Variants in TMPRSS6 observed in about 807,000 individuals in gnomAD.
TMPRSS6 encodes transmembrane serine protease 6.
A neutral mutation model predicts 101.5 loss-of-function variants in TMPRSS6; 67 were observed. The ratio of observed to expected loss-of-function variants is 0.66; its 90% CI spans 0.54 to 0.81. The LOEUF (loss-of-function observed/expected upper bound fraction) is 0.81. TMPRSS6 is among the 30% of genes least tolerant of loss of function. The pLI is 0.00. For synonymous variants in TMPRSS6, 453 were observed against 464.9 expected, an observed-to-expected ratio of 0.97 and a Z score of 0.33; for missense variants, 1,034 against 1,088.7, an observed-to-expected ratio of 0.95 and a Z score of 0.71.
At chr22:37,081,816 T>C (rs529372653) in intron 10 of TMPRSS6, among the ~76,000 whole-genome samples, 1 of 152,314 alleles carries the variant, frequency 6.6e-6, no homozygotes, top group African/African-American at 2.4e-5. Context: ...ACCTGTACCA[T>C]AGGTTGGGTG....
In TMPRSS6 at chr22:37,089,569, G is replaced by T; in HGVS notation, c.836+9C>A. The T allele has an allele frequency of 9.6e-7, 1 of 1,039,274 alleles. No individual in the cohort carries two copies. The highest frequency in any genetic ancestry group is 1.4e-6 in the Non-Finnish European group (1 of 720,876). 64.4% of individuals were successfully genotyped at this position (1,039,274 alleles called of 1,614,324 possible). Reference sequence around the variant, plus strand: ...GCCCTCCCTCCTGCCCTCCTTCCCAGGGACTCACGAGGTGATGAGCCTCTT... The same window carrying T: ...GCCCTCCCTCCTGCCCTCCTTCCCATGGACTCACGAGGTGATGAGCCTCTT... On this transcript the variant is annotated intron_variant, in intron 7 of 17. Coordinates refer to ENST00000676104, the MANE Select transcript of TMPRSS6 (RefSeq NM_001374504.1).
At chr22:37,073,496 G>T in intron 13 of TMPRSS6, 36 bp downstream of exon 13, 1 of 1,453,576 alleles carries the variant, frequency 6.9e-7, no homozygotes. Flanking sequence ...GACTGCCTTT[G>T]GTGTCCCTCC....
In TMPRSS6 at chr22:37,070,866, C is replaced by T. The variant is rs1260926229; in HGVS notation, c.1672+50G>A. ...TTTCCCTCCAGCTTCCTGCTGTGGG[C>T]ACCCCCTCCCTCCCAAGCTCCAGGG... On this transcript the variant is annotated intron_variant, in intron 14 of 17. Coordinates refer to ENST00000676104, the MANE Select transcript of TMPRSS6 (RefSeq NM_001374504.1). 8 of 1,560,926 alleles carry T rather than the reference C, an allele frequency of 5.1e-6. No homozygotes were observed. The African/African-American group carries it at 9.5e-5, about 18-fold the overall frequency.
chr22:37,070,368 T>TG (rs1926768618), intron 15 of TMPRSS6, 116 bp downstream of exon 15: 2 of 1,364,040 alleles, frequency 1.5e-6, no homozygotes, highest in Admixed American at 3.4e-5. Flanking sequence ...GTAGCCTGTC[T>TG]GGGGGGTCCA....
Position 37,089,694 on chromosome 22 carries a change from C to T in TMPRSS6, c.720G>A (p.Leu240=). Residue 240 remains leucine, a synonymous_variant, in exon 7 of 18, where the codon CTG becomes CTA. Transcript: ENST00000676104. The part of the protein sequence containing the change: ...DHLASSCLWH[L]QGPKDLMLKL... ...TGAGCATGAGGTCCTTGGGGCCCTG[C>T]AGGTGCCACAGGCAGCTGGAGGCCA... 6.2e-7 allele frequency: 1 copy of T among 1,611,984 alleles called. No homozygotes were observed. Among genetic ancestry groups the T allele is most frequent in the African/African-American group, 1.3e-5 (1 of 75,042 alleles).
chr22:37,105,381 A>G (rs547205754), intron 1 of TMPRSS6, among the ~76,000 whole-genome samples: 5 of 152,354 alleles, frequency 3.3e-5, no homozygotes, highest in Admixed American at 6.5e-5. Flanking sequence ...CGGGTGGGAC[A>G]GCCCCGCCCA....
rs1926325796 is a variant in TMPRSS6, at chr22:37,066,780, G to A, written c.2250+46C>T. ...GGGCCAGACCCTGGTGATGTGGGCAGCATCCTTTCTCCCTCCTCTCTCCCT... is the reference window on the plus strand; with the variant it reads ...GGGCCAGACCCTGGTGATGTGGGCAACATCCTTTCTCCCTCCTCTCTCCCT... On this transcript the variant is annotated intron_variant, in intron 17 of 17. Transcript: ENST00000676104. The A allele has an allele frequency of 1.9e-6, 3 of 1,613,170 alleles. No homozygotes were observed. In the East Asian group the frequency reaches 6.7e-5, roughly 36 times the overall value.
chr22:37,078,958 A>AAAGAAG (rs1307250237), intron 10 of TMPRSS6, among the ~76,000 whole-genome samples: 3 of 100,428 alleles, frequency 3.0e-5, no homozygotes, highest in African/African-American at 1.1e-4. Context: ...GGAGAAAAAG[A>AAAGAAG]GAAAGAAAGA....
chr22:37,094,374 TGATTGATGATAGATA>T (rs1224788413), intron 6 of TMPRSS6, among the ~76,000 whole-genome samples: 4 of 144,982 alleles, frequency 2.8e-5, no homozygotes, highest in Non-Finnish European at 6.1e-5. Context: ...TTTCCATTAA[TGATTGATGATAGATA>T]GATAGATAGA....
intron 10 of TMPRSS6, among the ~76,000 whole-genome samples, chr22:37,076,043 GGA>G: frequency 6.7e-6 from 1 of 149,902 alleles, no homozygotes; most frequent in South Asian, 2.1e-4. Context: ...AGAAAGAAAG[GGA>G]GAGAGGGAGG....
intron 16 of TMPRSS6, among the ~76,000 whole-genome samples, chr22:37,067,170 G>A (rs915117149): frequency 7.2e-5 from 11 of 152,106 alleles, no homozygotes; most frequent in African/African-American, 2.2e-4. Flanking sequence ...GACAGCCCCC[G>A]ACCAAAGCCC....
At chr22:37,081,708 C>T (rs564331268) in intron 10 of TMPRSS6, among the ~76,000 whole-genome samples, 4 of 152,158 alleles carry the variant, frequency 2.6e-5, no homozygotes, top group Admixed American at 6.5e-5. Context: ...ACCCAGCCAC[C>T]GCTTGGCTAC....
intron 7 of TMPRSS6, among the ~76,000 whole-genome samples, chr22:37,087,930 C>T (rs1928915694): frequency 6.6e-6 from 1 of 150,998 alleles, no homozygotes; most frequent in Admixed American, 6.6e-5. Flanking sequence ...TTCCCATCAC[C>T]ACCAAAGTCC....
In TMPRSS6 at chr22:37,096,244, C is replaced by G. The variant is rs925194744; in HGVS notation, c.405-154G>C. ...CCTAGCGACCTCTGAAGGAGGCGCT[C>G]TCATAATCCTTATTTTACGAATGAG... On this transcript the variant is annotated intron_variant, in intron 4 of 17. Transcript: ENST00000676104. Among the ~76,000 whole-genome samples the G allele has an allele frequency of 2.6e-5, 4 of 152,258 alleles. No homozygotes were observed. The East Asian group carries it at 7.7e-4, about 29-fold the overall frequency.
chr22:37,098,206 A>G (rs1480064607), intron 3 of TMPRSS6, among the ~76,000 whole-genome samples: 1 of 152,096 alleles, frequency 6.6e-6, no homozygotes, highest in Non-Finnish European at 1.5e-5. Flanking sequence ...AAGAGGCATG[A>G]TCAGGATCTA....
At chr22:37,067,110 T>A in intron 16 of TMPRSS6, 148 bp from the exon 17 acceptor site, 1 of 1,174,958 alleles carries the variant, frequency 8.5e-7, no homozygotes, top group Non-Finnish European at 1.2e-6. Context: ...CACCTGCCCC[T>A]CTGCCTCCCT....
At chr22:37,100,385 G>A (rs915494571) in intron 2 of TMPRSS6, among the ~76,000 whole-genome samples, 6 of 151,472 alleles carry the variant, frequency 4.0e-5, no homozygotes, top group African/African-American at 1.5e-4. Flanking sequence ...TCGAGGACAC[G>A]CCTGCAGGGC....
intron 10 of TMPRSS6, among the ~76,000 whole-genome samples, chr22:37,075,925 G>A (rs1927598061): frequency 6.9e-6 from 1 of 145,974 alleles, no homozygotes; most frequent in Non-Finnish European, 1.5e-5. Flanking sequence ...AGAGACAGAA[G>A]GTAGGAAGGA....
chr22:37,108,953 C>T (rs556106481), intron 1 of TMPRSS6, among the ~76,000 whole-genome samples: 2 of 152,236 alleles, frequency 1.3e-5, no homozygotes, highest in South Asian at 2.1e-4. Flanking sequence ...GATGGAGACA[C>T]GCGGAGGGAT....
Sources: gnomAD v4.1 joint callset for allele counts (sites outside exome capture counted in the v4.1 genomes callset) on GRCh38, gnomAD v4.1.1 for gene constraint, MANE v1.5 for transcripts, NCBI Gene and HGNC (gene_info 2026-07-23, HGNC 2026-07-21) for gene names.